The following IL34 variants were observed in gnomAD, a reference collection of about 807,000 sequenced individuals.
IL34 encodes interleukin 34.
In IL34, 17 loss-of-function variants were observed where a neutral mutation model predicts 25.3. The ratio of observed to expected loss-of-function variants is 0.67; its 90% CI spans 0.46 to 1.01. IL34 has a LOEUF of 1.01. IL34 is among the 50% of genes least tolerant of loss of function. The pLI is 0.00. For missense variants in IL34, 368 were observed against 312.9 expected, an observed-to-expected ratio of 1.18 and a Z score of -1.33; for synonymous variants, 174 against 140.9, an observed-to-expected ratio of 1.23 and a Z score of -1.66.
rs558742486 is a variant in IL34, at chr16:70,646,738, C to G, written c.-210C>G. On this transcript the variant is annotated 5_prime_UTR_variant, in exon 1 of 6. Coordinates refer to ENST00000288098, the MANE Select transcript of IL34 (RefSeq NM_001393494.1). ...GGGACTTGCGGCCACCGCCCCCCGG[C>G]TGTCCTCCACGCTGCCGGGCAGATA... The G allele has an allele frequency of 2.0e-6, 1 of 499,066 alleles. No individual in the cohort carries two copies. The highest frequency in any genetic ancestry group is 3.5e-5 in the East Asian group (1 of 28,330). 30.9% of individuals were successfully genotyped at this position (499,066 alleles called of 1,614,324 possible). A position where few individuals can be genotyped will look rare whatever the true frequency, so the allele number is the denominator to read the frequency against.
chr16:70,650,640 C>A (rs2052055706), intron 1 of IL34, among the ~76,000 whole-genome samples: 1 of 152,138 alleles, frequency 6.6e-6, no homozygotes, highest in African/African-American at 2.4e-5. Flanking sequence ...TGTGTGAAAT[C>A]CTTGTGGACC....
chr16:70,595,713 C>A (rs1158624289), intron 1 of IL34, among the ~76,000 whole-genome samples: 2 of 152,012 alleles, frequency 1.3e-5, no homozygotes, highest in African/African-American at 4.8e-5. Flanking sequence ...TCTGTTTGGG[C>A]TGCCATAAGA....
intron 1 of IL34, among the ~76,000 whole-genome samples, chr16:70,632,747 T>G (rs2051547903): frequency 6.6e-6 from 1 of 152,080 alleles, no homozygotes; most frequent in African/African-American, 2.4e-5. Flanking sequence ...GGGAGAGCTA[T>G]GGGGAGGGAT....
chr16:70,659,698 C>G lies in IL34; in HGVS notation c.483C>G (p.Pro161=). Reference sequence around the variant, plus strand: ...GGCCAAACCTGAAGCTGGTGCGGCCCAAAGCCCTGCTGGACAACTGCTTCC... The same window carrying G: ...GGCCAAACCTGAAGCTGGTGCGGCCGAAAGCCCTGCTGGACAACTGCTTCC... The part of the protein sequence containing the change: ...APGPNLKLVR[P]KALLDNCFRV... The change falls in exon 5 of 6, where the codon CCC becomes CCG. Residue 161 remains proline (P), a synonymous_variant. Transcript: ENST00000288098. 3 of 1,611,842 alleles carry G rather than the reference C, an allele frequency of 1.9e-6. No individual in the cohort carries two copies. Among genetic ancestry groups the G allele is most frequent in the Non-Finnish European group, 2.5e-6 (3 of 1,179,064 alleles).
intron 1 of IL34, among the ~76,000 whole-genome samples, chr16:70,606,393 G>C (rs1032001411): frequency 6.6e-6 from 1 of 152,060 alleles, no homozygotes; most frequent in Non-Finnish European, 1.5e-5. Context: ...GCAAGACTCT[G>C]TCTCAAAAAA....
chr16:70,623,898 G>A (rs933589782), intron 1 of IL34, among the ~76,000 whole-genome samples: 2 of 149,896 alleles, frequency 1.3e-5, no homozygotes, highest in East Asian at 3.9e-4. Flanking sequence ...AGTTATGGAG[G>A]CAAGGGAAAC....
intron 1 of IL34, among the ~76,000 whole-genome samples, chr16:70,636,663 T>C (rs888218378): frequency 5.3e-5 from 8 of 150,532 alleles, no homozygotes; most frequent in Admixed American, 1.3e-4. Context: ...GTACCTGTGG[T>C]CCTAGCAGTG....
chr16:70,603,593 G>A (rs890483384), intron 1 of IL34, among the ~76,000 whole-genome samples: 6 of 152,054 alleles, frequency 3.9e-5, no homozygotes, highest in African/African-American at 1.2e-4. Flanking sequence ...ATTTTTTAGT[G>A]TCAGGGTCTC....
At chr16:70,631,438 G>A (rs1448946043) in intron 1 of IL34, among the ~76,000 whole-genome samples, 6 of 152,068 alleles carry the variant, frequency 3.9e-5, no homozygotes, top group African/African-American at 1.4e-4. Context: ...ATTTATTCTT[G>A]TTTTTATTAA....
chr16:70,600,901 G>A (rs2050905214), intron 1 of IL34, among the ~76,000 whole-genome samples: 1 of 151,260 alleles, frequency 6.6e-6, no homozygotes, highest in South Asian at 2.1e-4. Context: ...AGTAGGAGAT[G>A]CTGGGAGAAA....
Position 70,614,003 on chromosome 16 carries a change from TACA to T in IL34, c.-400-32540_-400-32538del, listed in dbSNP as rs781695169. Among the ~76,000 whole-genome samples the T allele has an allele frequency of 2.4e-4, 37 of 151,196 alleles. No homozygotes were observed. In the East Asian group the frequency reaches 2.5e-3, roughly 10 times the overall value. ...AGGAGTTTGAGACCAGCCTGGGCAA[TACA>T]ACAAGGCTTTGTCTCTTAAAAAAAA... is the stretch of plus-strand genomic sequence containing the variant. On this transcript the variant is annotated intron_variant, in intron 1 of 6. Transcript: ENST00000429149.
At position 70,597,640 on chromosome 16, in the gene IL34, T is replaced by C. The variant is rs140344889; in HGVS notation, c.-401+17591T>C. Among the ~76,000 whole-genome samples the C allele has an allele frequency of 1.9e-3, 282 of 152,376 alleles. 2 individuals are homozygous for C. Among genetic ancestry groups the C allele is most frequent in the Middle Eastern group, 0.017 (5 of 294 alleles). ...TCAAACATATGTATCTCTTACAAAA[T>C]GCAGCTGTTTAATTCCTAAAGGCAG... On this transcript the variant is annotated intron_variant, in intron 1 of 6. Transcript: ENST00000429149.
At chr16:70,604,726 G>A (rs1296516130) in intron 1 of IL34, among the ~76,000 whole-genome samples, 2 of 152,206 alleles carry the variant, frequency 1.3e-5, no homozygotes, top group Non-Finnish European at 2.9e-5. Context: ...GGCAAAGTCC[G>A]ATAAGGAGCT....
At chr16:70,584,842 A>T (rs1251131170) in intron 1 of IL34, among the ~76,000 whole-genome samples, 1 of 151,982 alleles carries the variant, frequency 6.6e-6, no homozygotes, top group Non-Finnish European at 1.5e-5. Flanking sequence ...CTGGGATTAC[A>T]GGCTCCTGCC....
upstream of IL34, among the ~76,000 whole-genome samples, chr16:70,646,061 A>AT (rs910565074): frequency 6.6e-6 from 1 of 150,414 alleles, no homozygotes; most frequent in African/African-American, 2.4e-5. Flanking sequence ...TCTCAAAAAA[A>AT]TTTTTTTTTT....
At chr16:70,584,185 GTGGTTC>G (rs2050665772) in intron 1 of IL34, among the ~76,000 whole-genome samples, 1 of 152,184 alleles carries the variant, frequency 6.6e-6, no homozygotes, top group Non-Finnish European at 1.5e-5. Context: ...CGATCCTAGG[GTGGTTC>G]TGGGCTCCAG....
At chr16:70,650,799 C>A (rs902784488) in intron 1 of IL34, among the ~76,000 whole-genome samples, 6 of 152,198 alleles carry the variant, frequency 3.9e-5, no homozygotes, top group African/African-American at 1.4e-4. Context: ...GCAGGCAGGA[C>A]AACCTGTGCC....
rs10713010 is a variant in IL34 at position 70,651,762 on chromosome 16, TAAAA to T, written c.29-2764_29-2761del. Reference sequence around the variant, plus strand: ...GACTCAGCCTGCCTGACTGCTTTTGTAAAAAAAAAAAAAAAGAGGATGGTTATTG... The same window carrying T: ...GACTCAGCCTGCCTGACTGCTTTTGTAAAAAAAAAAAGAGGATGGTTATTG... On this transcript the variant is annotated intron_variant, in intron 1 of 5. Transcript: ENST00000288098. Among the ~76,000 whole-genome samples, 12 of 143,558 alleles carry T rather than the reference TAAAA, an allele frequency of 8.4e-5. No homozygotes were observed. In the East Asian group the frequency reaches 1.6e-3, roughly 19 times the overall value. 94.2% of individuals were successfully genotyped at this position (143,558 alleles called of 152,430 possible). A position where few individuals can be genotyped will look rare whatever the true frequency, so the allele number is the denominator to read the frequency against.
chr16:70,651,637 G>C lies in IL34; in HGVS notation c.29-2901G>C, dbSNP rs1320701496. ...GGTAGCAAATGGGTGGTGTGGCCCAGACCAGAGGGGCTGCAAGGACAAAGT... is the reference window on the plus strand; with the variant it reads ...GGTAGCAAATGGGTGGTGTGGCCCACACCAGAGGGGCTGCAAGGACAAAGT... On this transcript the variant is annotated intron_variant, in intron 1 of 5. Coordinates refer to ENST00000288098, the MANE Select transcript of IL34 (RefSeq NM_001393494.1). 2.0e-5 allele frequency among the ~76,000 whole-genome samples: 3 copies of C among 152,108 alleles called. No individual in the cohort carries two copies. The East Asian group carries it at 5.8e-4, about 29-fold the overall frequency.
Sources: allele counts gnomAD v4.1 joint callset (sites outside exome capture counted in the v4.1 genomes callset), GRCh38; gene constraint gnomAD v4.1.1; transcripts MANE v1.5; gene names NCBI Gene and HGNC (gene_info 2026-07-23, HGNC 2026-07-21).